Variants in ACSL6 observed in about 807,000 individuals in gnomAD.
The protein encoded by ACSL6 is acyl-CoA synthetase long chain family member 6.
In ACSL6, 47 loss-of-function variants were observed where a neutral mutation model predicts 98.2. The observed-to-expected ratio is 0.48, with a 90% CI of 0.38 to 0.61. The LOEUF (loss-of-function observed/expected upper bound fraction) is 0.61. ACSL6 is among the 20% of genes least tolerant of loss of function. ACSL6 has a pLI of 0.00. For missense variants in ACSL6, 761 were observed against 913.4 expected (o/e 0.83, Z 2.15); for synonymous variants, 362 against 336.9 (o/e 1.07, Z -0.82).
chr5:131,989,459 C>T lies in ACSL6; in HGVS notation c.500G>A (p.Cys167Tyr). Residue 167 changes from cysteine (C) to tyrosine (Y), a missense_variant, in exon 5 of 21, where the codon TGT (cysteine) becomes TAT (tyrosine). Coordinates refer to ENST00000651883, the MANE Select transcript of ACSL6 (RefSeq NM_001009185.3). ...AATAAACTGATCAGTGCATGCTTTA[C>T]AATTGTGCTGGAGAAGTCCGGACCC... ...FLGSGLLQHN[C>Y]KACTDQFIGV... is the part of the protein sequence containing the mutation. The T allele has an allele frequency of 6.2e-7, 1 of 1,613,924 alleles. No individual in the cohort carries two copies. Among genetic ancestry groups the T allele is most frequent in the East Asian group, 2.2e-5 (1 of 44,870 alleles).
chr5:131,972,015 C>A (rs564190056), intron 13 of ACSL6, among the ~76,000 whole-genome samples: 1 of 152,318 alleles, frequency 6.6e-6, no homozygotes, highest in Non-Finnish European at 1.5e-5. Context: ...AGGACAATTT[C>A]TTCCAATTTC....
chr5:131,959,585 T>C lies in ACSL6; in HGVS notation c.1982A>G (p.Glu661Gly). ...TNKDLKKAILEDMVRLGKESG... is the reference protein window; with the variant it reads ...TNKDLKKAILGDMVRLGKESG... ...TTCTTTTCCTAACCTCACCATATCTTCCAAAATGGCTTTCTTCAGATCCTG... is the reference window on the plus strand; with the variant it reads ...TTCTTTTCCTAACCTCACCATATCTCCCAAAATGGCTTTCTTCAGATCCTG... The change falls in exon 20 of 21, where the codon GAA (glutamate) becomes GGA (glycine). Residue 661 changes from glutamate to glycine, a missense_variant. Glu to Gly is a moderately conservative substitution (Grantham distance 98). Transcript: ENST00000651883. The C allele has an allele frequency of 6.2e-7, 1 of 1,614,202 alleles. No homozygotes were observed. Among genetic ancestry groups the C allele is most frequent in the Middle Eastern group, 1.6e-4 (1 of 6,062 alleles).
chr5:131,993,690 T>C lies in ACSL6; in HGVS notation c.270+341A>G, dbSNP rs985214059. The C allele has an allele frequency of 6.3e-5, 19 of 302,218 alleles. No individual in the cohort carries two copies. In the Admixed American group the frequency reaches 8.0e-4, roughly 13 times the overall value. The allele number at this position is 302,218 out of a possible 1,614,324, so 18.7% of individuals were successfully genotyped here. A position where few individuals can be genotyped will look rare whatever the true frequency, so the allele number is the denominator to read the frequency against. On this transcript the variant is annotated intron_variant, in intron 2 of 20. Transcript: ENST00000651883. ...GGTCCCAGCACCAGACCAGGAGAGT[T>C]TGGGAGGGAATCTACCAGGAAGCTC...
At position 132,010,459 on chromosome 5, in the gene ACSL6, T is replaced by C. The variant is rs568206624; in HGVS notation, c.49+1046A>G. Among the ~76,000 whole-genome samples, 4 of 152,340 alleles carry C rather than the reference T, an allele frequency of 2.6e-5. No homozygotes were observed. The South Asian group carries it at 8.3e-4, about 32-fold the overall frequency. On this transcript the variant is annotated intron_variant, in intron 1 of 20. Coordinates refer to ENST00000651883, the MANE Select transcript of ACSL6 (RefSeq NM_001009185.3). ...CCGACCTCCTAGGGTTTTCCATGAATATTAAATAACACGTACAAAGCCTCA... is the reference window on the plus strand; with the variant it reads ...CCGACCTCCTAGGGTTTTCCATGAACATTAAATAACACGTACAAAGCCTCA...
intron 17 of ACSL6, among the ~76,000 whole-genome samples, chr5:131,963,170 C>A (rs1029941233): frequency 1.3e-5 from 2 of 152,202 alleles, no homozygotes; most frequent in Admixed American, 1.3e-4. Context: ...ATAGCACAGA[C>A]CTGACAGAGC....
chr5:131,997,192 T>C (rs1754836592), intron 1 of ACSL6, among the ~76,000 whole-genome samples: 1 of 152,156 alleles, frequency 6.6e-6, no homozygotes, highest in African/African-American at 2.4e-5. Context: ...AATTCCTGAG[T>C]TCCTGATGCC....
chr5:131,960,255 C>T (rs891520768), intron 19 of ACSL6, among the ~76,000 whole-genome samples: 1 of 151,492 alleles, frequency 6.6e-6, no homozygotes, highest in African/African-American at 2.5e-5. Context: ...CTCCTCTAAG[C>T]CACAAAGCAA....
intron 10 of ACSL6, chr5:131,975,259 G>A: frequency 8.0e-7 from 1 of 1,257,538 alleles, no homozygotes; most frequent in Non-Finnish European, 1.0e-6. Context: ...ATCTGCAGAA[G>A]CAAAGAGCCA....
At chr5:131,987,130 A>C (rs1015802451) in intron 7 of ACSL6, among the ~76,000 whole-genome samples, 1 of 152,206 alleles carries the variant, frequency 6.6e-6, no homozygotes, top group African/African-American at 2.4e-5. Context: ...TCAGACAGAC[A>C]TCTAAGCCTG....
Position 132,011,451 on chromosome 5 carries a change from C to A in ACSL6, c.49+54G>T. The A allele has an allele frequency of 6.3e-7, 1 of 1,578,170 alleles. No homozygotes were observed. The highest frequency in any genetic ancestry group is 2.3e-5 in the East Asian group (1 of 44,276). On this transcript the variant is annotated intron_variant, in intron 1 of 20. Transcript: ENST00000651883. This position sits in a 1 kb window ranked among gnomAD's most constrained non-coding sequence, Gnocchi z 5.4. ...GTAACACCTCCACCTCGGGCGAAGACCTCATAGCCTGCGGGAGATGGGAGT... is the reference window on the plus strand; with the variant it reads ...GTAACACCTCCACCTCGGGCGAAGAACTCATAGCCTGCGGGAGATGGGAGT...
chr5:132,011,321 C>G lies in ACSL6; in HGVS notation c.49+184G>C. On this transcript the variant is annotated intron_variant, in intron 1 of 20. Transcript: ENST00000651883. The surrounding 1 kb of genome is among the most constrained non-coding windows in gnomAD (Gnocchi z 5.4). ...GACCCAGGTGCTCCCCAAACCCGGCCCGGAGCCCGCGAGAACTGGGGGCGG... is the reference window on the plus strand; with the variant it reads ...GACCCAGGTGCTCCCCAAACCCGGCGCGGAGCCCGCGAGAACTGGGGGCGG... 1 of 669,992 alleles carries G rather than the reference C, an allele frequency of 1.5e-6. No homozygotes were observed. Among genetic ancestry groups the G allele is most frequent in the South Asian group, 1.8e-5 (1 of 55,944 alleles). 41.5% of individuals were successfully genotyped at this position (669,992 alleles called of 1,614,324 possible). A position where few individuals can be genotyped will look rare whatever the true frequency, so the allele number is the denominator to read the frequency against.
At chr5:131,995,679 A>G (rs758272291) in intron 1 of ACSL6, among the ~76,000 whole-genome samples, 3 of 152,228 alleles carry the variant, frequency 2.0e-5, no homozygotes, top group Non-Finnish European at 4.4e-5. Flanking sequence ...GTGTTAAACC[A>G]TAACATCATG....
At chr5:132,005,167 A>G (rs1755333687) in intron 1 of ACSL6, among the ~76,000 whole-genome samples, 1 of 152,184 alleles carries the variant, frequency 6.6e-6, no homozygotes, top group South Asian at 2.1e-4. Context: ...AAAAGAAAAA[A>G]GAAAAAAAAA....
In ACSL6 at chr5:131,994,187, A is replaced by T. The variant is rs764439237; in HGVS notation, c.114T>A (p.Pro38=). ...AAAACTGTCCCAAGTCACCTAGCTC[A>T]GGCAGTCGCAGTATCCTCAGGATCT... The part of the protein sequence containing the change: ...TQEILRILRL[P]ELGDLGQFFR... Residue 38 remains proline (P), a synonymous_variant, in exon 2 of 21, where the codon CCT becomes CCA. Transcript: ENST00000651883. 1 of 1,614,150 alleles carries T rather than the reference A, an allele frequency of 6.2e-7. No individual in the cohort carries two copies. Among genetic ancestry groups the T allele is most frequent in the East Asian group, 2.2e-5 (1 of 44,882 alleles).
chr5:132,002,573 G>A (rs1755145996), intron 1 of ACSL6, among the ~76,000 whole-genome samples: 2 of 152,166 alleles, frequency 1.3e-5, no homozygotes, highest in South Asian at 2.1e-4. Flanking sequence ...TAGGAGCCCT[G>A]CTGGTCTCCT....
In ACSL6 at chr5:131,963,684, C is replaced by A. The variant is rs767311928; in HGVS notation, c.1714-1006G>T. 6.0e-4 allele frequency among the ~76,000 whole-genome samples: 92 copies of A among 152,116 alleles called. 1 individual carries two copies. The highest frequency in any genetic ancestry group is 9.3e-4 in the Non-Finnish European group (63 of 68,012). On this transcript the variant is annotated intron_variant, in intron 17 of 20. Coordinates refer to ENST00000651883, the MANE Select transcript of ACSL6 (RefSeq NM_001009185.3). ...TCACAAATCCATCTCATATCCACCA[C>A]CTCCTCCCAGCAAAACCACTTTCTG...
At chr5:131,976,598 T>C in intron 10 of ACSL6, 50 bp downstream of exon 10, 2 of 1,477,040 alleles carry the variant, frequency 1.4e-6, no homozygotes, top group South Asian at 1.2e-5. Context: ...CCTCTGAGGC[T>C]TGAGGTTGTC....
At chr5:132,005,405 C>A (rs981150678) in intron 1 of ACSL6, among the ~76,000 whole-genome samples, 1 of 152,256 alleles carries the variant, frequency 6.6e-6, no homozygotes, top group African/African-American at 2.4e-5. Context: ...TTTCTCCATA[C>A]TGACAATTGT....
chr5:131,992,194 G>A (rs941445811), intron 2 of ACSL6, among the ~76,000 whole-genome samples: 2 of 152,172 alleles, frequency 1.3e-5, no homozygotes, highest in African/African-American at 4.8e-5. Flanking sequence ...TGCATTTGGG[G>A]AACTGTAGGC....
Sources: allele counts gnomAD v4.1 joint callset (sites outside exome capture counted in the v4.1 genomes callset), GRCh38; gene constraint gnomAD v4.1.1; non-coding constraint Gnocchi (gnomAD v3.1); transcripts MANE v1.5; gene names NCBI Gene and HGNC (gene_info 2026-07-23, HGNC 2026-07-21).